The following RGS12 variants were observed in gnomAD, a reference collection of about 807,000 sequenced individuals.
RGS12 encodes the protein regulator of G-protein signaling 12.
RGS12 carries 66 observed loss-of-function variants against 120.1 expected under a neutral mutation model. That is an observed-to-expected ratio of 0.55 (90% CI 0.45 to 0.67). The LOEUF (loss-of-function observed/expected upper bound fraction) is 0.67. Ranked by LOEUF, RGS12 falls within the 30% of genes least tolerant of loss-of-function variation. The pLI, the probability that RGS12 is intolerant of heterozygous loss-of-function variation, is 0.00. For synonymous variants in RGS12, 827 were observed against 804.7 expected (o/e 1.03, Z -0.47); for missense variants, 1,859 against 1,957.7 (o/e 0.95, Z 0.95).
At chr4:3,425,325 C>T in intron 13 of RGS12, 139 bp from the exon 14 acceptor site, 1 of 746,066 alleles carries the variant, frequency 1.3e-6, no homozygotes, top group Non-Finnish European at 2.4e-6. Context: ...GTGCCTCAGT[C>T]AGGCAGGCCT....
At chr4:3,285,995 G>C in the RGS12 span, among the ~76,000 whole-genome samples, 1 of 152,234 alleles carries the variant, frequency 6.6e-6, no homozygotes, top group Non-Finnish European at 1.5e-5. Flanking sequence ...CCGGTGTGCC[G>C]GGCTGCGCTC....
chr4:3,365,936 C>T lies in RGS12; in HGVS notation c.1999-20480C>T, dbSNP rs539728656. On this transcript the variant is annotated intron_variant, in intron 3 of 17. Coordinates refer to ENST00000336727, the MANE Select transcript of RGS12 (RefSeq NM_001394154.1). The surrounding 1 kb of genome is among the most constrained non-coding windows in gnomAD (Gnocchi z 4.0). ...TACTATGTGCCCGACATTATTTTGG[C>T]TCTGGGGAGGCAGTGGGGAACATGC... Among the ~76,000 whole-genome samples, 15 of 152,122 alleles carry T rather than the reference C, an allele frequency of 9.9e-5. No individual in the cohort carries two copies. Among genetic ancestry groups the T allele is most frequent in the Non-Finnish European group, 1.5e-4 (10 of 68,032 alleles).
chr4:3,370,318 G>A, intron 3 of RGS12: 1 of 1,614,122 alleles, frequency 6.2e-7, no homozygotes, highest in Non-Finnish European at 8.5e-7. Context: ...CTAATGACCA[G>A]CAGGTAAGTA....
At position 3,414,094 on chromosome 4, in the gene RGS12, G is replaced by C. The variant is rs1560160560; in HGVS notation, c.2043G>C (p.Lys681Asn). 2 of 1,571,306 alleles carry C rather than the reference G, an allele frequency of 1.3e-6. No homozygotes were observed. The highest frequency in any genetic ancestry group is 1.7e-6 in the Non-Finnish European group (2 of 1,164,024). Reference sequence around the variant, plus strand: ...CAGAGTTGACGGGCGCCGACCTGAAGGACTGCGTCAGCAACAACAGCCTGA... The same window carrying C: ...CAGAGTTGACGGGCGCCGACCTGAACGACTGCGTCAGCAACAACAGCCTGA... ...SDGELTGADL[K>N]DCVSNNSLSS... The change falls in exon 5 of 18, where the codon AAG becomes AAC. Residue 681 changes from lysine to asparagine, a missense_variant. Physicochemically the swap from Lys to Asn is moderately conservative, Grantham distance 94 (BLOSUM62 0). Coordinates refer to ENST00000336727, the MANE Select transcript of RGS12 (RefSeq NM_001394154.1).
intron 1 of RGS12, among the ~76,000 whole-genome samples, chr4:3,300,334 G>A (rs1723614331): frequency 6.6e-6 from 1 of 152,190 alleles, no homozygotes; most frequent in South Asian, 2.1e-4. Flanking sequence ...GCCTGCCAGA[G>A]CGCCCTGCAC....
chr4:3,335,816 G>A (rs745753566), intron 2 of RGS12, among the ~76,000 whole-genome samples: 16 of 152,030 alleles, frequency 1.1e-4, no homozygotes, highest in Non-Finnish European at 1.5e-4. Flanking sequence ...TGGGCCGGGC[G>A]TGGTGGCTCA....
At chr4:3,427,304 T>C (rs941138777) in intron 14 of RGS12, among the ~76,000 whole-genome samples, 5 of 152,196 alleles carry the variant, frequency 3.3e-5, no homozygotes, top group African/African-American at 1.2e-4. Context: ...AGCTTGGCGC[T>C]CAGCGTTTTT....
At chr4:3,307,638 C>T (rs1198221852) in intron 1 of RGS12, among the ~76,000 whole-genome samples, 1 of 152,238 alleles carries the variant, frequency 6.6e-6, no homozygotes, top group African/African-American at 2.4e-5. Context: ...GTGGATCGCG[C>T]ACCTGCCCTG....
intron 2 of RGS12, among the ~76,000 whole-genome samples, chr4:3,333,147 T>G (rs943407842): frequency 1.3e-5 from 2 of 151,918 alleles, no homozygotes; most frequent in Non-Finnish European, 2.9e-5. Flanking sequence ...CCCCCAGGGT[T>G]CACGCCATTC....
At chr4:3,288,895 G>A (rs546551116), upstream of RGS12, among the ~76,000 whole-genome samples, 4 of 152,220 alleles carry the variant, frequency 2.6e-5, no homozygotes, top group South Asian at 2.1e-4. This position sits in a 1 kb window ranked among gnomAD's most constrained non-coding sequence, Gnocchi z 5.2. Flanking sequence ...TGAGTGAGCC[G>A]CCATCCCCCC....
chr4:3,369,939 A>C (rs754954615), intron 3 of RGS12: 17 of 1,000,826 alleles, frequency 1.7e-5, no homozygotes, highest in African/African-American at 1.2e-4. Flanking sequence ...GCTAAAAAAA[A>C]CAAATTCTCT....
intron 16 of RGS12, 39 bp from the exon 17 acceptor site, chr4:3,430,368 C>T: frequency 6.4e-7 from 1 of 1,552,896 alleles, no homozygotes; most frequent in Non-Finnish European, 8.8e-7. Flanking sequence ...TAATGTGAAA[C>T]TCTCTAAAAC....
At chr4:3,363,391 C>A (rs1217297299) in intron 3 of RGS12, among the ~76,000 whole-genome samples, 1 of 152,138 alleles carries the variant, frequency 6.6e-6, no homozygotes, top group Admixed American at 6.5e-5. Flanking sequence ...CAGCTTGGCT[C>A]ATGCTCTGTT....
intron 9 of RGS12, chr4:3,418,787 G>C (rs1722689697): frequency 6.6e-6 from 1 of 152,146 alleles, no homozygotes; most frequent in East Asian, 1.9e-4. Context: ...ATTAGGTGGG[G>C]CCAGGCCTCC....
chr4:3,388,340 G>T (rs1386029589), intron 4 of RGS12, among the ~76,000 whole-genome samples: 2 of 152,210 alleles, frequency 1.3e-5, no homozygotes, highest in African/African-American at 2.4e-5. Context: ...GTTCCTTTTT[G>T]TGTTTTTGTT....
At chr4:3,438,369 TGGG>T (rs1175582905) in intron 17 of RGS12, among the ~76,000 whole-genome samples, 1 of 144,972 alleles carries the variant, frequency 6.9e-6, no homozygotes, top group East Asian at 2.1e-4. Flanking sequence ...ACCGCACAGA[TGGG>T]GGGGTGGGGT....
At chr4:3,293,883 G>A (rs1276836826) in intron 1 of RGS12, among the ~76,000 whole-genome samples, 1 of 130,494 alleles carries the variant, frequency 7.7e-6, no homozygotes, top group South Asian at 2.4e-4. Context: ...GAGCCATCTA[G>A]TGTAGACAGA....
chr4:3,356,074 G>C (rs1478784874), intron 3 of RGS12, among the ~76,000 whole-genome samples: 2 of 128,432 alleles, frequency 1.6e-5, no homozygotes, highest in East Asian at 4.5e-4. Flanking sequence ...TTTTTTTTGA[G>C]ATAGCTTCTT....
At chr4:3,352,489 C>T (rs1352938559) in intron 3 of RGS12, among the ~76,000 whole-genome samples, 3 of 151,816 alleles carry the variant, frequency 2.0e-5, no homozygotes, top group Admixed American at 6.6e-5. Context: ...GGAGACTCTC[C>T]AAAAGAAAAT....
Sources: allele counts gnomAD v4.1 joint callset (sites outside exome capture counted in the v4.1 genomes callset), GRCh38; gene constraint gnomAD v4.1.1; non-coding constraint Gnocchi (gnomAD v3.1); transcripts MANE v1.5; gene names NCBI Gene and HGNC (gene_info 2026-07-23, HGNC 2026-07-21).